Variants in ELOVL4 observed in about 807,000 individuals in gnomAD.
ELOVL4 encodes the protein very long chain fatty acid elongase 4.
A neutral mutation model predicts 42.1 loss-of-function variants in ELOVL4; 18 were observed. That is an observed-to-expected ratio of 0.43 (90% confidence interval 0.30 to 0.63). The LOEUF (loss-of-function observed/expected upper bound fraction) is 0.63. ELOVL4 is among the 30% of genes least tolerant of loss of function. The pLI, the probability that ELOVL4 is intolerant of heterozygous loss-of-function variation, is 0.15. For missense variants in ELOVL4, 299 were observed against 376.2 expected (o/e 0.79, Z 1.70); for synonymous variants, 117 against 127.0 (o/e 0.92, Z 0.53).
At chr6:79,922,693 T>C (rs1415207049) in intron 3 of ELOVL4, among the ~76,000 whole-genome samples, 2 of 152,238 alleles carry the variant, frequency 1.3e-5, no homozygotes, top group Admixed American at 6.5e-5. Context: ...GTCAGATTCA[T>C]TCACAGACAG....
chr6:79,934,933 ACAC>A (rs1489504059), intron 1 of ELOVL4, among the ~76,000 whole-genome samples: 3 of 152,224 alleles, frequency 2.0e-5, no homozygotes, highest in African/African-American at 7.2e-5. Context: ...AGAAGAGTTT[ACAC>A]TGAGAATAAA....
intron 4 of ELOVL4, 115 bp from the exon 5 acceptor site, chr6:79,919,662 G>A (rs2127698088): frequency 1.1e-6 from 1 of 927,262 alleles, no homozygotes; most frequent in East Asian, 2.7e-5. Context: ...CTTGAGTACA[G>A]ATTAGAAATG....
rs1044442997 is a variant in ELOVL4 at position 79,915,511 on chromosome 6, T to TA, written c.*1096dup. The TA allele has an allele frequency of 6.6e-6, 1 of 152,554 alleles. No individual in the cohort carries two copies. The highest frequency in any genetic ancestry group is 2.4e-5 in the African/African-American group (1 of 41,446). 9.5% of individuals were successfully genotyped at this position (152,554 alleles called of 1,614,324 possible). On this transcript the variant is annotated 3_prime_UTR_variant, in exon 6 of 6. Coordinates refer to ENST00000369816, the MANE Select transcript of ELOVL4 (RefSeq NM_022726.4). ...CACAAGGAAAACGTTACTCCAAAAT[T>TA]AAACACATTGAAAGAGAAGGATAGT...
At chr6:79,917,472 T>G (rs1774181151) in intron 5 of ELOVL4, among the ~76,000 whole-genome samples, 1 of 152,198 alleles carries the variant, frequency 6.6e-6, no homozygotes, top group African/African-American at 2.4e-5. Flanking sequence ...ATTTATTTCT[T>G]ACAGATAGTA....
At chr6:79,931,604 C>CAAGAG in intron 1 of ELOVL4, among the ~76,000 whole-genome samples, 1 of 152,176 alleles carries the variant, frequency 6.6e-6, no homozygotes, top group Non-Finnish European at 1.5e-5. Flanking sequence ...GGAGCCAAGT[C>CAAGAG]TTATACTTCA....
chr6:79,944,639 A>G (rs1774705684), intron 1 of ELOVL4, among the ~76,000 whole-genome samples: 1 of 152,206 alleles, frequency 6.6e-6, no homozygotes, highest in Non-Finnish European at 1.5e-5. Flanking sequence ...ATGTTTGGAT[A>G]TTTAAAGCAC....
chr6:79,931,692 TA>T (rs1774447759), intron 1 of ELOVL4, among the ~76,000 whole-genome samples: 1 of 151,990 alleles, frequency 6.6e-6, no homozygotes, highest in Non-Finnish European at 1.5e-5. Flanking sequence ...GGAAAAAGAC[TA>T]AAGACTAAAG....
intron 1 of ELOVL4, among the ~76,000 whole-genome samples, chr6:79,943,481 G>A (rs1177827833): frequency 6.6e-6 from 1 of 152,148 alleles, no homozygotes; most frequent in African/African-American, 2.4e-5. Flanking sequence ...GTAAACTGTG[G>A]TGAAACAGCT....
chr6:79,933,833 A>G (rs151667), intron 1 of ELOVL4, among the ~76,000 whole-genome samples: 35,502 of 152,044 alleles, frequency 0.23, 6,012 homozygotes, highest in African/African-American at 0.48. Context: ...AGGGAGCTGC[A>G]CTGGCAATGA....
At chr6:79,929,139 T>C (rs1206789165) in intron 1 of ELOVL4, among the ~76,000 whole-genome samples, 1 of 122,168 alleles carries the variant, frequency 8.2e-6, no homozygotes, top group African/African-American at 3.1e-5. Flanking sequence ...TTCTCCAGTT[T>C]CAATGAGAAA....
chr6:79,918,769 A>G (rs1428680753), intron 5 of ELOVL4, among the ~76,000 whole-genome samples: 1 of 152,256 alleles, frequency 6.6e-6, no homozygotes, highest in Non-Finnish European at 1.5e-5. Context: ...ACTAATGCAC[A>G]CACTCAGATT....
chr6:79,924,820 G>C (rs1774317167), intron 3 of ELOVL4, 132 bp downstream of exon 3: 5 of 669,506 alleles, frequency 7.5e-6, no homozygotes, highest in Non-Finnish European at 1.4e-5. Flanking sequence ...GGGGGACAGA[G>C]CAAGAAACTG....
intron 1 of ELOVL4, among the ~76,000 whole-genome samples, chr6:79,935,236 C>CTAG (rs1046734681): frequency 6.6e-6 from 1 of 152,078 alleles, no homozygotes; most frequent in African/African-American, 2.4e-5. Context: ...CCTTAAAAAC[C>CTAG]TCTAATAGAC....
chr6:79,941,956 G>GTA (rs1482927077), intron 1 of ELOVL4, among the ~76,000 whole-genome samples: 6 of 152,186 alleles, frequency 3.9e-5, no homozygotes, highest in Non-Finnish European at 7.3e-5. Context: ...AAATACGTGA[G>GTA]TAATTACTAA....
At chr6:79,929,125 G>C (rs192553638) in intron 1 of ELOVL4, among the ~76,000 whole-genome samples, 27 of 134,980 alleles carry the variant, frequency 2.0e-4, no homozygotes, top group Admixed American at 1.9e-3. Flanking sequence ...AACCAGATTA[G>C]TGCTTCTCCA....
At chr6:79,934,951 C>A (rs1444769491) in intron 1 of ELOVL4, among the ~76,000 whole-genome samples, 1 of 152,030 alleles carries the variant, frequency 6.6e-6, no homozygotes, top group African/African-American at 2.4e-5. Context: ...AATAAAAAAA[C>A]ATTTTATGAC....
intron 5 of ELOVL4, among the ~76,000 whole-genome samples, chr6:79,917,231 G>T (rs1345446288): frequency 6.6e-6 from 1 of 152,082 alleles, no homozygotes; most frequent in African/African-American, 2.4e-5. Flanking sequence ...AGAAGGCAGG[G>T]CTTTGTCTTG....
chr6:79,919,470 A>G lies in ELOVL4; in HGVS notation c.619T>C (p.Trp207Arg), dbSNP rs1450094585. ...TTCCACCAAAGATATTTCTGAATCC[A>G]TGGGCCAAATGCAGTTAACCCATAG... ...SYYGLTAFGP[W>R]IQKYLWWKRY... is the part of the protein sequence containing the mutation. The change falls in exon 5 of 6, where the codon TGG (tryptophan) becomes CGG (arginine). Residue 207 changes from tryptophan (W) to arginine (R), a missense_variant. Transcript: ENST00000369816. 3 of 1,613,734 alleles carry G rather than the reference A, an allele frequency of 1.9e-6. No homozygotes were observed. In the African/African-American group the frequency reaches 4.0e-5, roughly 22 times the overall value.
intron 4 of ELOVL4, among the ~76,000 whole-genome samples, 196 bp from the exon 5 acceptor site, chr6:79,919,743 T>G (rs1053431559): frequency 2.0e-5 from 3 of 152,186 alleles, no homozygotes; most frequent in Non-Finnish European, 4.4e-5. Context: ...AAGTTTAGAT[T>G]TGAGGTTTTA....
Sources: allele counts gnomAD v4.1 joint callset (sites outside exome capture counted in the v4.1 genomes callset), GRCh38; gene constraint gnomAD v4.1.1; transcripts MANE v1.5; gene names NCBI Gene and HGNC (gene_info 2026-07-23, HGNC 2026-07-21).